Variants in TRMT1L observed in about 807,000 individuals in gnomAD.
TRMT1L encodes tRNA methyltransferase 1L.
In TRMT1L, 28 loss-of-function variants were observed where a neutral mutation model predicts 81.6. The ratio of observed to expected loss-of-function variants is 0.34; its 90% confidence interval spans 0.25 to 0.47. The LOEUF is 0.47. Ranked by LOEUF, TRMT1L falls within the 20% of genes least tolerant of loss-of-function variation. The probability of loss-of-function intolerance (pLI) is 1.00; values close to 1 mark genes in which losing one functional copy is unlikely to be tolerated. For missense variants in TRMT1L, 739 were observed against 877.1 expected (o/e 0.84, Z 1.99); for synonymous variants, 301 against 303.2 (o/e 0.99, Z 0.07).
In TRMT1L at chr1:185,118,733, C is replaced by T. The variant is rs1032181488; in HGVS notation, c.*1286G>A. 7 of 151,944 alleles carry T rather than the reference C, an allele frequency of 4.6e-5. No homozygotes were observed. Among genetic ancestry groups the T allele is most frequent in the African/African-American group, 1.2e-4 (5 of 41,358 alleles). 9.4% of individuals were successfully genotyped at this position (151,944 alleles called of 1,614,324 possible). On this transcript the variant is annotated 3_prime_UTR_variant, in exon 15 of 15. Transcript: ENST00000367506. ...CTCTTGGGAATACGCTGTACTAGCA[C>T]GAAGAGATTTTCCTTCATTTCTGCA...
At chr1:185,138,980 G>T (rs992614612) in intron 9 of TRMT1L, among the ~76,000 whole-genome samples, 2 of 152,110 alleles carry the variant, frequency 1.3e-5, no homozygotes, top group Non-Finnish European at 2.9e-5. Context: ...TAGAGACGGG[G>T]TTTCACCATG....
chr1:185,132,529 TAAATA>T (rs1265161745), intron 10 of TRMT1L, among the ~76,000 whole-genome samples: 2 of 147,322 alleles, frequency 1.4e-5, no homozygotes, highest in Non-Finnish European at 3.0e-5. Context: ...AAAAAAAAAA[TAAATA>T]AAAATAAAAA....
rs73066938 is a variant in TRMT1L, at chr1:185,121,388, G to A, written c.1823-879C>T. Among the ~76,000 whole-genome samples the A allele has an allele frequency of 4.0e-3, 606 of 152,094 alleles. 4 individuals carry two copies. The highest frequency in any genetic ancestry group is 0.014 in the African/African-American group (569 of 41,488). On this transcript the variant is annotated intron_variant, in intron 13 of 14. Coordinates refer to ENST00000367506, the MANE Select transcript of TRMT1L (RefSeq NM_030934.5). ...CTTGGGAGGCTGAGGTGGCAGGATG[G>A]CTTGAGCCTAGGAGTTTGAGTCTAG...
At chr1:185,129,374 G>C (rs370495694) in intron 10 of TRMT1L, among the ~76,000 whole-genome samples, 1 of 152,278 alleles carries the variant, frequency 6.6e-6, no homozygotes, top group South Asian at 2.1e-4. Context: ...ATGTAGGCTA[G>C]AAGAATCTAA....
chr1:185,151,986 C>A, intron 1 of TRMT1L, 51 bp from the exon 2 acceptor site: 1 of 1,158,860 alleles, frequency 8.6e-7, no homozygotes. Flanking sequence ...TATTCTAGTT[C>A]CATTTTTATT....
chr1:185,150,301 C>T (rs1653306370), intron 3 of TRMT1L, 78 bp downstream of exon 3: 2 of 951,646 alleles, frequency 2.1e-6, no homozygotes, highest in Non-Finnish European at 3.2e-6. Context: ...TGATTATACT[C>T]ATGATAAAAA....
At chr1:185,153,047 T>A (rs1391488427) in intron 1 of TRMT1L, among the ~76,000 whole-genome samples, 2 of 152,162 alleles carry the variant, frequency 1.3e-5, no homozygotes, top group African/African-American at 4.8e-5. Flanking sequence ...TCTTACCTAG[T>A]TATGACTGAT....
intron 10 of TRMT1L, among the ~76,000 whole-genome samples, chr1:185,129,842 TAA>T (rs34115956): frequency 6.6e-6 from 1 of 152,148 alleles, no homozygotes; most frequent in African/African-American, 2.4e-5. Flanking sequence ...AGCACTGACG[TAA>T]AGTTTTGTTG....
At chr1:185,155,278 ACAACTTCGAAGT>A (rs1653469146) in intron 1 of TRMT1L, among the ~76,000 whole-genome samples, 1 of 152,250 alleles carries the variant, frequency 6.6e-6, no homozygotes, top group Admixed American at 6.5e-5. Flanking sequence ...ATAAACAAAT[ACAACTTCGAAGT>A]GAGGTAGGAG....
At chr1:185,125,439 T>C (rs1457696352) in intron 11 of TRMT1L, among the ~76,000 whole-genome samples, 5 of 152,030 alleles carry the variant, frequency 3.3e-5, no homozygotes, top group Admixed American at 6.6e-5. Flanking sequence ...AGTGCTGGAA[T>C]TACAGGTGTG....
chr1:185,145,564 G>T lies in TRMT1L; in HGVS notation c.530C>A (p.Thr177Asn). Reference protein sequence around the residue: ...VKPNIIGEQITSKMGAHYHCI... With the variant: ...VKPNIIGEQINSKMGAHYHCI... Reference sequence around the variant, plus strand: ...ATGATAATGGGCTCCCATTTTACTGGTTATCTATCAAACAGAGTATTTAAT... The same window carrying T: ...ATGATAATGGGCTCCCATTTTACTGTTTATCTATCAAACAGAGTATTTAAT... Residue 177 changes from threonine to asparagine, a missense_variant, in exon 5 of 15, where the codon ACC (threonine) becomes AAC (asparagine). By Grantham distance (65) the Thr-to-Asn change is moderately conservative (BLOSUM62 0). Transcript: ENST00000367506. 6.2e-7 allele frequency: 1 copy of T among 1,610,556 alleles called. No individual in the cohort carries two copies. The highest frequency in any genetic ancestry group is 1.3e-5 in the African/African-American group (1 of 74,922).
intron 3 of TRMT1L, among the ~76,000 whole-genome samples, chr1:185,148,649 A>T (rs1186084012): frequency 6.6e-6 from 1 of 152,364 alleles, no homozygotes; most frequent in East Asian, 1.9e-4. Flanking sequence ...AATAACTTGG[A>T]GGGAGACCAA....
chr1:185,138,348 A>G (rs978958622), intron 9 of TRMT1L, among the ~76,000 whole-genome samples: 1 of 152,188 alleles, frequency 6.6e-6, no homozygotes, highest in Admixed American at 6.5e-5. Context: ...GAATTTGCTG[A>G]TATTACATTA....
chr1:185,128,792 A>T (rs767594393), intron 10 of TRMT1L, 45 bp from the exon 11 acceptor site: 16 of 1,449,714 alleles, frequency 1.1e-5, no homozygotes, highest in Non-Finnish European at 1.3e-5. Context: ...GAAATGACTA[A>T]TACAAATAGT....
In TRMT1L at chr1:185,120,439, A is replaced by G. The variant is rs766160250; in HGVS notation, c.1893T>C (p.His631=). 6.2e-7 allele frequency: 1 copy of G among 1,603,312 alleles called. No individual in the cohort carries two copies. The highest frequency in any genetic ancestry group is 8.5e-7 in the Non-Finnish European group (1 of 1,175,942). The change falls in exon 14 of 15, where the codon CAT becomes CAC. Residue 631 remains histidine, a synonymous_variant. Coordinates refer to ENST00000367506, the MANE Select transcript of TRMT1L (RefSeq NM_030934.5). ...KKQKTDVSTE[H]PPFYYNIHRH... ...TGTGAATGTTGTAATAAAAGGGAGGATGTTCAGTACTGACATCAGTCTTTT... is the reference window on the plus strand; with the variant it reads ...TGTGAATGTTGTAATAAAAGGGAGGGTGTTCAGTACTGACATCAGTCTTTT...
At chr1:185,153,711 G>C (rs943352257) in intron 1 of TRMT1L, among the ~76,000 whole-genome samples, 1 of 152,032 alleles carries the variant, frequency 6.6e-6, no homozygotes, top group Non-Finnish European at 1.5e-5. Flanking sequence ...CATTCCAAGA[G>C]AAAGGAACAA....
At chr1:185,143,108 GGATATGA>G (rs1322211668) in intron 7 of TRMT1L, among the ~76,000 whole-genome samples, 7 of 152,036 alleles carry the variant, frequency 4.6e-5, no homozygotes, top group Non-Finnish European at 7.4e-5. Flanking sequence ...CAAAAGATTA[GGATATGA>G]GGTATGAGGA....
At chr1:185,135,922 T>C (rs934691457) in intron 10 of TRMT1L, among the ~76,000 whole-genome samples, 2 of 152,110 alleles carry the variant, frequency 1.3e-5, no homozygotes, top group Non-Finnish European at 2.9e-5. Context: ...TGGTTCTATA[T>C]TGGAAACTTT....
At chr1:185,155,483 T>G (rs907693103) in intron 1 of TRMT1L, among the ~76,000 whole-genome samples, 1 of 152,260 alleles carries the variant, frequency 6.6e-6, no homozygotes, top group Non-Finnish European at 1.5e-5. Flanking sequence ...CTGAAATCTA[T>G]AACAATTTGT....
Sources: gnomAD v4.1 joint callset for allele counts (sites outside exome capture counted in the v4.1 genomes callset) on GRCh38, gnomAD v4.1.1 for gene constraint, MANE v1.5 for transcripts, NCBI Gene and HGNC (gene_info 2026-07-23, HGNC 2026-07-21) for gene names.